WDR72: variants seen among roughly 807,000 people sequenced by gnomAD.
The protein encoded by WDR72 is WD repeat domain 72.
A neutral mutation model predicts 124.2 loss-of-function variants in WDR72; 120 were observed. That is an observed-to-expected ratio of 0.97 (90% CI 0.83 to 1.12). The LOEUF is 1.12. WDR72 is among the 50% of genes most tolerant of loss of function. The pLI is 0.00. For missense variants in WDR72, 1,387 were observed against 1,278.8 expected (o/e 1.08, Z -1.29); for synonymous variants, 452 against 441.7 (o/e 1.02, Z -0.29).
chr15:53,518,366 T>C (rs1891581709), intron 19 of WDR72, among the ~76,000 whole-genome samples: 1 of 152,050 alleles, frequency 6.6e-6, no homozygotes, highest in Non-Finnish European at 1.5e-5. Flanking sequence ...AATAGTAACT[T>C]TCACTCCTAC....
chr15:53,738,483 T>C (rs1035435584), intron 1 of WDR72, among the ~76,000 whole-genome samples: 7 of 152,078 alleles, frequency 4.6e-5, no homozygotes, highest in Non-Finnish European at 8.8e-5. Context: ...ATGAGTAAAC[T>C]CAGATATCTT....
Position 53,523,262 on chromosome 15 carries a change from T to A in WDR72, c.3209A>T (p.Glu1070Val). 6.2e-7 allele frequency: 1 copy of A among 1,613,210 alleles called. No homozygotes were observed. ...CAAGGCACATCTGTCAGGCATGTCC[T>A]CCACGTCTTGGAAGTTTGCCGAGTT... ...NSNSANFQDV[E>V]DMPDRCALEE... is the part of the protein sequence containing the mutation. The change falls in exon 19 of 20, where the codon GAG becomes GTG. Residue 1070 changes from glutamate (E) to valine (V), a missense_variant. Glu to Val is a moderately radical substitution (Grantham distance 121, BLOSUM62 -2). Transcript: ENST00000360509.
intron 8 of WDR72, among the ~76,000 whole-genome samples, 159 bp from the exon 9 acceptor site, chr15:53,711,112 C>G (rs1374707083): frequency 1.3e-5 from 2 of 152,080 alleles, no homozygotes; most frequent in Admixed American, 1.3e-4. Context: ...TTTGAAAACC[C>G]AGCACCAGCT....
chr15:53,593,714 A>C (rs1193462835), intron 18 of WDR72, among the ~76,000 whole-genome samples: 1 of 151,926 alleles, frequency 6.6e-6, no homozygotes, highest in Non-Finnish European at 1.5e-5. Flanking sequence ...GTGAGACAAG[A>C]TCACACCATT....
chr15:53,680,363 C>G (rs932546160), intron 13 of WDR72, among the ~76,000 whole-genome samples: 3 of 152,188 alleles, frequency 2.0e-5, no homozygotes, highest in African/African-American at 7.2e-5. Flanking sequence ...GCACAAGTTT[C>G]TTTACACAAT....
At chr15:53,733,231 C>T (rs545072211) in intron 1 of WDR72, 70 bp from the exon 2 acceptor site, 1 of 1,550,194 alleles carries the variant, frequency 6.5e-7, no homozygotes, top group African/African-American at 1.4e-5. Flanking sequence ...GATAATATTA[C>T]AAGCAGATTT....
At chr15:53,570,407 G>A (rs558499431) in intron 18 of WDR72, among the ~76,000 whole-genome samples, 1 of 151,608 alleles carries the variant, frequency 6.6e-6, no homozygotes, top group African/African-American at 2.4e-5. Flanking sequence ...AATGAAAAAC[G>A]CCATTCAAAA....
intron 9 of WDR72, among the ~76,000 whole-genome samples, chr15:53,706,348 G>GTATATATATATA (rs1450540976): frequency 3.5e-5 from 2 of 57,400 alleles, no homozygotes; most frequent in African/African-American, 9.8e-5. Context: ...GTGTGTGTGT[G>GTATATATATATA]TGTATATATA....
chr15:53,523,352 G>C (rs752450948), intron 18 of WDR72, 30 bp from the exon 19 acceptor site: 104 of 1,563,154 alleles, frequency 6.7e-5, no homozygotes, highest in Non-Finnish European at 8.7e-5. Context: ...GAGAGAGAGA[G>C]ACAGAAGAGA....
intron 17 of WDR72, among the ~76,000 whole-genome samples, chr15:53,603,699 G>A (rs1488788520): frequency 1.3e-5 from 2 of 152,036 alleles, no homozygotes; most frequent in African/African-American, 4.8e-5. Context: ...CAGTCAAGCT[G>A]AGAGCTAAAT....
intron 18 of WDR72, among the ~76,000 whole-genome samples, chr15:53,571,777 T>C (rs1054728537): frequency 2.0e-5 from 3 of 152,004 alleles, no homozygotes; most frequent in African/African-American, 7.2e-5. Flanking sequence ...TTCATTTTTT[T>C]TTTTTTTTAA....
At chr15:53,734,379 C>T (rs1186552903) in intron 1 of WDR72, among the ~76,000 whole-genome samples, 1 of 152,158 alleles carries the variant, frequency 6.6e-6, no homozygotes, top group African/African-American at 2.4e-5. Context: ...CTGAGCATTG[C>T]AATTCTGAAT....
chr15:53,615,369 G>T lies in WDR72; in HGVS notation c.2780+57C>A, dbSNP rs933391085. 9.0e-6 allele frequency: 12 copies of T among 1,339,816 alleles called. No individual in the cohort carries two copies. The African/African-American group carries it at 1.6e-4, about 18-fold the overall frequency. 83.0% of individuals were successfully genotyped at this position (1,339,816 alleles called of 1,614,324 possible). ...TAAAGAGCTAAATATAGCAAATAAT[G>T]ATATATATTTTTAATGTCATAATCT... On this transcript the variant is annotated intron_variant, in intron 15 of 19. Coordinates refer to ENST00000360509, the MANE Select transcript of WDR72 (RefSeq NM_182758.4).
chr15:53,712,610 A>G (rs946273088), intron 7 of WDR72, among the ~76,000 whole-genome samples, 162 bp downstream of exon 7: 2 of 151,894 alleles, frequency 1.3e-5, no homozygotes, highest in Non-Finnish European at 2.9e-5. Flanking sequence ...ACCGCCAAAA[A>G]AAAAAACTGT....
chr15:53,683,457 T>C (rs992397287), intron 13 of WDR72, among the ~76,000 whole-genome samples: 1 of 152,138 alleles, frequency 6.6e-6, no homozygotes, highest in Admixed American at 6.5e-5. Context: ...ACCCCAGGAA[T>C]ATGTAAAATC....
At chr15:53,573,448 G>A (rs961519652) in intron 18 of WDR72, among the ~76,000 whole-genome samples, 2 of 151,618 alleles carry the variant, frequency 1.3e-5, no homozygotes, top group African/African-American at 2.4e-5. Flanking sequence ...ATTCATTTTG[G>A]TCATTGCTAT....
intron 14 of WDR72, among the ~76,000 whole-genome samples, chr15:53,616,985 A>C (rs936252337): frequency 6.6e-6 from 1 of 151,896 alleles, no homozygotes; most frequent in Non-Finnish European, 1.5e-5. Context: ...CCTTTGCAGG[A>C]ATTTTGTATG....
intron 14 of WDR72, among the ~76,000 whole-genome samples, chr15:53,655,788 G>T (rs185905185): frequency 6.6e-6 from 1 of 152,126 alleles, no homozygotes; most frequent in African/African-American, 2.4e-5. Context: ...TGCCTCCCAG[G>T]TTCAAGCAAT....
intron 18 of WDR72, among the ~76,000 whole-genome samples, chr15:53,559,049 A>T (rs1339907540): frequency 2.0e-5 from 3 of 152,150 alleles, no homozygotes; most frequent in African/African-American, 4.8e-5. Context: ...TCAATGTATG[A>T]TTCAAACTCA....
Sources: gnomAD v4.1 joint callset for allele counts (sites outside exome capture counted in the v4.1 genomes callset) on GRCh38, gnomAD v4.1.1 for gene constraint, MANE v1.5 for transcripts, NCBI Gene and HGNC (gene_info 2026-07-23, HGNC 2026-07-21) for gene names.